Variants in SOS2 observed in about 807,000 individuals in gnomAD.
The protein encoded by SOS2 is SOS Ras/Rho guanine nucleotide exchange factor 2, also known as son of sevenless homolog 2.
A neutral mutation model predicts 148.2 loss-of-function variants in SOS2; 65 were observed. The observed-to-expected ratio is 0.44, with a 90% CI of 0.36 to 0.54. The LOEUF is 0.54. Among genes scored for constraint, SOS2 ranks in the 20% least tolerant of loss-of-function variants. SOS2 has a pLI of 0.00. For missense variants in SOS2, 1,341 were observed against 1,590.2 expected (o/e 0.84, Z 2.67); for synonymous variants, 539 against 537.1 (o/e 1.00, Z -0.05).
chr14:50,157,256 T>A, intron 11 of SOS2, 135 bp from the exon 12 acceptor site: 1 of 919,972 alleles, frequency 1.1e-6, no homozygotes, highest in Non-Finnish European at 1.5e-6. Context: ...AGGTATGATA[T>A]ACTACAAAAA....
chr14:50,208,412 G>T (rs1189810795), intron 1 of SOS2, among the ~76,000 whole-genome samples: 1 of 152,190 alleles, frequency 6.6e-6, no homozygotes, highest in Non-Finnish European at 1.5e-5. Flanking sequence ...AGCACTTTGG[G>T]AGGCTGAGAC....
chr14:50,150,163 TGCCTGA>T lies in SOS2; in HGVS notation c.2223_2228del (p.Gln742_Ala743del). 2 of 1,613,612 alleles carry T rather than the reference TGCCTGA, an allele frequency of 1.2e-6. No individual in the cohort carries two copies. Among genetic ancestry groups the T allele is most frequent in the Non-Finnish European group, 1.7e-6 (2 of 1,179,498 alleles). On this transcript the variant is annotated inframe_deletion, in exon 14 of 23. Coordinates refer to ENST00000216373, the MANE Select transcript of SOS2 (RefSeq NM_006939.4). ...AGGTAATATTATGGCTTACTCCGTT[TGCCTGA>T]GCTTGCTTCTTCCTCCTGATGATCT...
intron 2 of SOS2, among the ~76,000 whole-genome samples, chr14:50,202,940 A>G (rs1886540401): frequency 6.6e-6 from 1 of 152,056 alleles, no homozygotes; most frequent in Non-Finnish European, 1.5e-5. Flanking sequence ...AGGATCACTG[A>G]AGGCCAGGAG....
intron 9 of SOS2, among the ~76,000 whole-genome samples, chr14:50,161,228 G>A (rs1200225254): frequency 1.3e-5 from 2 of 148,708 alleles, no homozygotes; most frequent in African/African-American, 5.0e-5. Context: ...AGGAGGCTAA[G>A]GCTGCAGGTT....
intron 1 of SOS2, among the ~76,000 whole-genome samples, chr14:50,221,078 G>GA (rs777597979): frequency 4.4e-4 from 67 of 151,974 alleles, no homozygotes; most frequent in Non-Finnish European, 8.5e-4. Flanking sequence ...ATGTTTCTAA[G>GA]AAAAAAACCA....
intron 8 of SOS2, among the ~76,000 whole-genome samples, chr14:50,162,837 A>C (rs1211910547): frequency 6.6e-6 from 1 of 152,088 alleles, no homozygotes; most frequent in Non-Finnish European, 1.5e-5. Flanking sequence ...TCTCAGAAAG[A>C]AAGCAAATTT....
rs1566814245 is a variant in SOS2, at chr14:50,118,340, A to G, written c.*4T>C. 1 of 1,610,578 alleles carries G rather than the reference A, an allele frequency of 6.2e-7. No individual in the cohort carries two copies. The highest frequency in any genetic ancestry group is 1.1e-5 in the South Asian group (1 of 90,870). On this transcript the variant is annotated 3_prime_UTR_variant, in exon 23 of 23. Transcript: ENST00000216373. ...CCAGTGTCAATGACTACATATGGCT[A>G]AGGTCATTGGGGAGTTTCTGCATTT...
Position 50,161,466 on chromosome 14 carries a change from A to T in SOS2, c.1196+16T>A, listed in dbSNP as rs1885007067. On this transcript the variant is annotated intron_variant, in intron 9 of 22. Transcript: ENST00000216373. ...AGTAAGCAGAGGCATTCACGTTTTC[A>T]ACACTTTGGAATTACCCAGGTCGAC... The T allele has an allele frequency of 1.2e-6, 2 of 1,604,772 alleles. No individual in the cohort carries two copies. Among genetic ancestry groups the T allele is most frequent in the Non-Finnish European group, 1.7e-6 (2 of 1,176,760 alleles).
intron 22 of SOS2, among the ~76,000 whole-genome samples, chr14:50,119,156 T>G (rs1225082853): frequency 6.6e-6 from 1 of 152,248 alleles, no homozygotes; most frequent in Non-Finnish European, 1.5e-5. Flanking sequence ...TATTGCTTTA[T>G]AGACATGAAA....
chr14:50,170,956 TA>T (rs1369617158), intron 8 of SOS2, among the ~76,000 whole-genome samples: 1 of 150,720 alleles, frequency 6.6e-6, no homozygotes, highest in Non-Finnish European at 1.5e-5. Context: ...CTACTAAAAA[TA>T]CAAAAAATTA....
chr14:50,179,448 G>C (rs1885658107), intron 7 of SOS2, among the ~76,000 whole-genome samples: 1 of 152,032 alleles, frequency 6.6e-6, no homozygotes, highest in South Asian at 2.1e-4. Context: ...GCAGTGGCGT[G>C]ATCATGACTC....
At chr14:50,120,247 T>A (rs1883458323) in intron 22 of SOS2, 28 bp downstream of exon 22, 2 of 979,006 alleles carry the variant, frequency 2.0e-6, no homozygotes, top group Non-Finnish European at 3.3e-6. Context: ...CAACTTTGAA[T>A]AAGTTGGAGT....
At chr14:50,144,130 T>TGA (rs1021495703) in intron 16 of SOS2, among the ~76,000 whole-genome samples, 8 of 152,096 alleles carry the variant, frequency 5.3e-5, no homozygotes, top group African/African-American at 1.9e-4. Context: ...CTTCTACATA[T>TGA]GAATATTCCA....
intron 7 of SOS2, among the ~76,000 whole-genome samples, chr14:50,174,772 T>C (rs757615208): frequency 2.0e-5 from 3 of 152,242 alleles, no homozygotes; most frequent in Non-Finnish European, 2.9e-5. Flanking sequence ...TTTTCTTTTA[T>C]GTGGCTAAAA....
intron 1 of SOS2, among the ~76,000 whole-genome samples, chr14:50,214,540 G>A (rs1267285036): frequency 2.0e-5 from 3 of 152,084 alleles, no homozygotes; most frequent in East Asian, 3.9e-4. Context: ...TTAACTAGGC[G>A]TAGTGGGGTG....
chr14:50,135,071 C>CAAAAAAAAAAAAAAA (rs746540364), intron 18 of SOS2, among the ~76,000 whole-genome samples: 1 of 57,506 alleles, frequency 1.7e-5, no homozygotes, highest in Non-Finnish European at 3.4e-5. Context: ...GAGACTGTCT[C>CAAAAAAAAAAAAAAA]AAAAAAAAAA....
In SOS2 at chr14:50,140,202, C is replaced by T. The variant is rs182950887; in HGVS notation, c.2668-143G>A. On this transcript the variant is annotated intron_variant, in intron 16 of 22. Coordinates refer to ENST00000216373, the MANE Select transcript of SOS2 (RefSeq NM_006939.4). ...AAAAGATGAGTGGTATTCCTTTGTA[C>T]ACTTACCTGAAGTGATTTCTCCTCT... 694 of 525,368 alleles carry T rather than the reference C, an allele frequency of 1.3e-3. 4 individuals carry two copies. The highest frequency in any genetic ancestry group is 0.012 in the African/African-American group (634 of 52,176). 32.5% of individuals were successfully genotyped at this position (525,368 alleles called of 1,614,324 possible). A position where few individuals can be genotyped will look rare whatever the true frequency, so the allele number is the denominator to read the frequency against.
chr14:50,230,099 G>A (rs1029603302), intron 1 of SOS2, among the ~76,000 whole-genome samples: 3 of 152,186 alleles, frequency 2.0e-5, no homozygotes, highest in African/African-American at 7.2e-5. Flanking sequence ...TTCCTTGTAA[G>A]AATTATGAAA....
intron 7 of SOS2, among the ~76,000 whole-genome samples, chr14:50,176,071 G>A (rs574336105): frequency 6.6e-6 from 1 of 152,346 alleles, no homozygotes; most frequent in African/African-American, 2.4e-5. Flanking sequence ...TTTAGGAGGT[G>A]ATTGGATATG....
Sources: gnomAD v4.1 joint callset for allele counts (sites outside exome capture counted in the v4.1 genomes callset) on GRCh38, gnomAD v4.1.1 for gene constraint, MANE v1.5 for transcripts, NCBI Gene and HGNC (gene_info 2026-07-23, HGNC 2026-07-21) for gene names.